CEP112: variants seen among roughly 807,000 people sequenced by gnomAD.
CEP112 encodes centrosomal protein of 112 kDa.
Under a neutral mutation model 153.0 loss-of-function variants are expected in CEP112, and 127 were observed. The ratio of observed to expected loss-of-function variants is 0.83; its 90% CI spans 0.72 to 0.96. CEP112 has a LOEUF of 0.96. CEP112 is among the 40% of genes least tolerant of loss of function. CEP112 has a pLI of 0.00. For synonymous variants in CEP112, 358 were observed against 374.4 expected, an observed-to-expected ratio of 0.96 and a Z score of 0.51; for missense variants, 1,089 against 1,101.2, an observed-to-expected ratio of 0.99 and a Z score of 0.16.
At chr17:66,039,924 G>A (rs905344395) in intron 12 of CEP112, among the ~76,000 whole-genome samples, 2 of 152,140 alleles carry the variant, frequency 1.3e-5, no homozygotes, top group African/African-American at 4.8e-5. Flanking sequence ...ATATTTTTCA[G>A]TACTGTATAT....
At chr17:65,868,029 T>C (rs1428340089) in intron 20 of CEP112, among the ~76,000 whole-genome samples, 4 of 151,682 alleles carry the variant, frequency 2.6e-5, no homozygotes, top group African/African-American at 9.7e-5. Flanking sequence ...TGAGTTTATA[T>C]TATATGTATT....
At chr17:65,905,327 G>A (rs948651148) in intron 19 of CEP112, among the ~76,000 whole-genome samples, 1 of 152,160 alleles carries the variant, frequency 6.6e-6, no homozygotes, top group Non-Finnish European at 1.5e-5. Context: ...AGCCATTTAT[G>A]CAGACAACAA....
chr17:66,077,584 A>G (rs1160458567), intron 8 of CEP112, among the ~76,000 whole-genome samples: 1 of 152,230 alleles, frequency 6.6e-6, no homozygotes, highest in Non-Finnish European at 1.5e-5. Flanking sequence ...CAAACCTAAG[A>G]ACAATCGGTA....
chr17:65,775,651 T>G (rs35639392), intron 21 of CEP112, among the ~76,000 whole-genome samples: 8 of 151,376 alleles, frequency 5.3e-5, no homozygotes, highest in Middle Eastern at 3.2e-3. Flanking sequence ...TACAGGCATG[T>G]GCCACCACAC....
intron 21 of CEP112, among the ~76,000 whole-genome samples, chr17:65,761,692 T>A (rs1006690083): frequency 6.6e-6 from 1 of 152,134 alleles, no homozygotes; most frequent in Non-Finnish European, 1.5e-5. Context: ...CCCAAAGTAT[T>A]TGGGGATTTC....
At position 65,637,123 on chromosome 17, in the gene CEP112, C is replaced by G. The variant is rs770668867; in HGVS notation, c.2864+1G>C. 1 of 1,613,038 alleles carries G rather than the reference C, an allele frequency of 6.2e-7. No homozygotes were observed. Among genetic ancestry groups the G allele is most frequent in the Admixed American group, 1.7e-5 (1 of 60,028 alleles). ...ACAAGACACCTGCTTATGGGCTGTA[C>G]CTTCTGCCTTGATATGTAGTCAGTT... On this transcript the variant is annotated splice_donor_variant, in intron 26 of 26. Transcript: ENST00000535342. LOFTEE classifies it high-confidence loss of function.
intron 12 of CEP112, among the ~76,000 whole-genome samples, chr17:66,053,142 A>C (rs142034346): frequency 6.6e-6 from 1 of 151,896 alleles, no homozygotes; most frequent in African/African-American, 2.4e-5. Context: ...ATTATCTCTG[A>C]ACTGAAAGTC....
At chr17:66,006,333 C>T (rs1021504911) in intron 16 of CEP112, among the ~76,000 whole-genome samples, 1 of 152,090 alleles carries the variant, frequency 6.6e-6, no homozygotes, top group African/African-American at 2.4e-5. Flanking sequence ...TTCGGCTGGG[C>T]ACGATGGCTC....
intron 18 of CEP112, chr17:65,941,636 A>G (rs1385231555): frequency 6.6e-6 from 1 of 152,248 alleles, no homozygotes; most frequent in African/African-American, 2.4e-5. Context: ...ACATAAAGGA[A>G]ACGTCTTTAT....
chr17:66,061,215 C>A (rs951979002), intron 11 of CEP112, among the ~76,000 whole-genome samples: 2 of 151,926 alleles, frequency 1.3e-5, no homozygotes, highest in East Asian at 3.9e-4. Context: ...AAAGGCAAAC[C>A]AAACTTACAA....
intron 17 of CEP112, among the ~76,000 whole-genome samples, chr17:65,971,465 CAT>C (rs1474595710): frequency 6.0e-5 from 6 of 100,614 alleles, no homozygotes; most frequent in Non-Finnish European, 1.0e-4. Context: ...ATATCACACA[CAT>C]GTATCATGCA....
chr17:65,937,561 G>A (rs2061369106), intron 18 of CEP112, among the ~76,000 whole-genome samples: 3 of 96,806 alleles, frequency 3.1e-5, no homozygotes, highest in Admixed American at 1.3e-4. Flanking sequence ...CGTCCGGGAG[G>A]GAGGTGGGGG....
intron 17 of CEP112, among the ~76,000 whole-genome samples, chr17:65,970,909 T>C (rs1006014523): frequency 1.1e-5 from 1 of 87,574 alleles, no homozygotes; most frequent in African/African-American, 3.4e-5. Context: ...GCATTGCATG[T>C]ATGTTGCATG....
In CEP112 at chr17:65,901,589, A is replaced by T. The variant is rs115589356; in HGVS notation, c.2163+563T>A. Among the ~76,000 whole-genome samples, 533 of 152,250 alleles carry T rather than the reference A, an allele frequency of 3.5e-3. 2 individuals carry two copies. The highest frequency in any genetic ancestry group is 0.012 in the African/African-American group (491 of 41,548). On this transcript the variant is annotated intron_variant, in intron 20 of 26. Coordinates refer to ENST00000535342, the MANE Select transcript of CEP112 (RefSeq NM_001199165.4). ...ATGGCTTCCAACAGGGACTACAGAGATGTGGGCTAGGAGGCATGTGTGTGT... is the reference window on the plus strand; with the variant it reads ...ATGGCTTCCAACAGGGACTACAGAGTTGTGGGCTAGGAGGCATGTGTGTGT...
At chr17:65,846,553 ATT>A (rs1165486334) in intron 21 of CEP112, among the ~76,000 whole-genome samples, 1 of 151,748 alleles carries the variant, frequency 6.6e-6, no homozygotes, top group Non-Finnish European at 1.5e-5. Flanking sequence ...GTAGATTATC[ATT>A]CTTTTTGTTT....
intron 17 of CEP112, among the ~76,000 whole-genome samples, chr17:65,971,687 C>T (rs557967666): frequency 5.2e-4 from 79 of 152,136 alleles, no homozygotes; most frequent in East Asian, 1.4e-3. Flanking sequence ...ATATTACATG[C>T]GTGTATATTA....
intron 24 of CEP112, among the ~76,000 whole-genome samples, chr17:65,650,205 A>T (rs1050000919): frequency 3.9e-5 from 6 of 152,094 alleles, no homozygotes; most frequent in Non-Finnish European, 5.9e-5. Flanking sequence ...CCATCTGGAC[A>T]TCTGGATGTT....
chr17:65,729,557 C>T (rs1239062106), intron 23 of CEP112, among the ~76,000 whole-genome samples: 1 of 152,130 alleles, frequency 6.6e-6, no homozygotes, highest in Non-Finnish European at 1.5e-5. Context: ...TTTGAACTAT[C>T]TCCGATACAG....
chr17:66,113,056 C>T (rs938024184), intron 6 of CEP112, among the ~76,000 whole-genome samples: 4 of 151,676 alleles, frequency 2.6e-5, no homozygotes, highest in African/African-American at 9.7e-5. Context: ...GTAACAAGAG[C>T]GAAACTCCGT....
Sources: gnomAD v4.1 joint callset for allele counts (sites outside exome capture counted in the v4.1 genomes callset) on GRCh38, gnomAD v4.1.1 for gene constraint, MANE v1.5 for transcripts, NCBI Gene and HGNC (gene_info 2026-07-23, HGNC 2026-07-21) for gene names.